Variants in GNG2 observed in about 807,000 individuals in gnomAD.
GNG2 encodes guanine nucleotide-binding protein G(I)/G(S)/G(O) subunit gamma-2.
A neutral mutation model predicts 5.5 loss-of-function variants in GNG2; 5 were observed. The ratio of observed to expected loss-of-function variants is 0.91; its 90% CI spans 0.48 to 1.92. The LOEUF is 1.92. GNG2 is among the 30% of genes most tolerant of loss of function. GNG2 has a pLI of 0.01. For missense variants in GNG2, 55 were observed against 88.4 expected, an observed-to-expected ratio of 0.62 and a Z score of 1.52; for synonymous variants, 28 against 32.0, an observed-to-expected ratio of 0.88 and a Z score of 0.42.
At chr14:51,923,091 A>G (rs188787984) in intron 2 of GNG2, among the ~76,000 whole-genome samples, 2 of 152,334 alleles carry the variant, frequency 1.3e-5, no homozygotes, top group East Asian at 3.9e-4. Flanking sequence ...CCGTTATTTA[A>G]AAATGACAAC....
At chr14:51,953,373 A>G (rs1028968053) in intron 3 of GNG2, among the ~76,000 whole-genome samples, 9 of 152,218 alleles carry the variant, frequency 5.9e-5, no homozygotes, top group African/African-American at 1.7e-4. Context: ...AAAATTGAAC[A>G]AGGCCTATTA....
chr14:51,873,153 G>C lies in GNG2; in HGVS notation c.-70-4464G>C, dbSNP rs376056671. On this transcript the variant is annotated intron_variant, in intron 1 of 3. Coordinates refer to ENST00000556766, the MANE Select transcript of GNG2 (RefSeq NM_053064.5). Reference sequence around the variant, plus strand: ...GTTTTTCTTCATCCTTAAGGAGAAAGGCATATTTGATTTGATGAGTCTCTC... The same window carrying C: ...GTTTTTCTTCATCCTTAAGGAGAAACGCATATTTGATTTGATGAGTCTCTC... Among the ~76,000 whole-genome samples the C allele has an allele frequency of 3.9e-5, 6 of 152,266 alleles. No homozygotes were observed. In the East Asian group the frequency reaches 5.8e-4, roughly 15 times the overall value.
intron 2 of GNG2, among the ~76,000 whole-genome samples, chr14:51,935,856 C>A (rs1034442669): frequency 6.6e-6 from 1 of 151,820 alleles, no homozygotes; most frequent in Non-Finnish European, 1.5e-5. Context: ...AGAGAGAGAG[C>A]GATGTTTTCT....
At chr14:51,875,395 G>A (rs1883588739) in intron 1 of GNG2, among the ~76,000 whole-genome samples, 1 of 152,220 alleles carries the variant, frequency 6.6e-6, no homozygotes, top group Non-Finnish European at 1.5e-5. Context: ...ATACCTAGCA[G>A]CAAGGGAGGT....
At chr14:51,835,432 A>G (rs369903594) in intron 2 of GNG2, among the ~76,000 whole-genome samples, 1 of 152,210 alleles carries the variant, frequency 6.6e-6, no homozygotes, top group Non-Finnish European at 1.5e-5. Flanking sequence ...GTCCAAGGCT[A>G]TACAGATAAA....
intron 2 of GNG2, among the ~76,000 whole-genome samples, chr14:51,943,987 TTC>T (rs1888499569): frequency 6.6e-6 from 1 of 152,200 alleles, no homozygotes; most frequent in South Asian, 2.1e-4. Context: ...AGCCAAAGCA[TTC>T]TTGAAACAGA....
At chr14:51,914,494 C>T (rs1012015772) in intron 2 of GNG2, among the ~76,000 whole-genome samples, 6 of 152,118 alleles carry the variant, frequency 3.9e-5, no homozygotes, top group Admixed American at 2.6e-4. Context: ...TGTTAAGTCC[C>T]GTGTAGAATT....
At chr14:51,851,443 A>G (rs1881905044) in intron 2 of GNG2, among the ~76,000 whole-genome samples, 1 of 152,196 alleles carries the variant, frequency 6.6e-6, no homozygotes, top group Admixed American at 6.5e-5. Context: ...TCATTTACTT[A>G]TATCATAAAT....
chr14:51,854,587 G>A (rs1186748838), intron 2 of GNG2, among the ~76,000 whole-genome samples: 1 of 151,728 alleles, frequency 6.6e-6, no homozygotes, highest in Non-Finnish European at 1.5e-5. Flanking sequence ...TTGGCTCACT[G>A]CAACCTCCTC....
At chr14:51,896,281 A>G (rs147238370) in intron 2 of GNG2, among the ~76,000 whole-genome samples, 8 of 152,236 alleles carry the variant, frequency 5.3e-5, no homozygotes, top group Admixed American at 1.3e-4. Flanking sequence ...GAGAACATCT[A>G]TAATTATCAA....
At chr14:51,918,398 A>G (rs1375735484) in intron 2 of GNG2, among the ~76,000 whole-genome samples, 1 of 152,222 alleles carries the variant, frequency 6.6e-6, no homozygotes, top group Non-Finnish European at 1.5e-5. Flanking sequence ...ATTTGAAAAA[A>G]AAAAAGCAGA....
chr14:51,835,316 AAACC>A (rs993048549), intron 2 of GNG2, among the ~76,000 whole-genome samples: 2 of 152,270 alleles, frequency 1.3e-5, no homozygotes, highest in African/African-American at 4.8e-5. Flanking sequence ...TTTAGCATCT[AAACC>A]TACATTCTAA....
At chr14:51,906,757 CTTTTT>C (rs34240079) in intron 2 of GNG2, among the ~76,000 whole-genome samples, 1 of 105,306 alleles carries the variant, frequency 9.5e-6, no homozygotes, top group Non-Finnish European at 1.8e-5. Context: ...TGGAGAATCT[CTTTTT>C]TTTTTTTTTT....
chr14:51,948,836 G>A (rs1440321060), intron 2 of GNG2, among the ~76,000 whole-genome samples: 1 of 152,000 alleles, frequency 6.6e-6, no homozygotes, highest in Non-Finnish European at 1.5e-5. Flanking sequence ...ATAAATTGAG[G>A]GATGGCCGGG....
intron 2 of GNG2, among the ~76,000 whole-genome samples, chr14:51,888,317 T>TTTG (rs543682315): frequency 7.8e-4 from 118 of 152,186 alleles, no homozygotes; most frequent in Non-Finnish European, 1.0e-3. Context: ...TTTGTTTGTT[T>TTTG]TTGTTGTTGT....
chr14:51,912,327 T>C (rs1886346396), intron 2 of GNG2, among the ~76,000 whole-genome samples: 1 of 152,184 alleles, frequency 6.6e-6, no homozygotes, highest in African/African-American at 2.4e-5. Context: ...GACTGTGAGC[T>C]GCTCCCATCT....
intron 3 of GNG2, among the ~76,000 whole-genome samples, chr14:51,965,066 G>A (rs974599810): frequency 6.6e-6 from 1 of 152,166 alleles, no homozygotes; most frequent in Non-Finnish European, 1.5e-5. Flanking sequence ...GGCAAACTGT[G>A]CATTGGCTCC....
At chr14:51,909,660 G>A (rs1231123087) in intron 2 of GNG2, among the ~76,000 whole-genome samples, 1 of 152,200 alleles carries the variant, frequency 6.6e-6, no homozygotes, top group East Asian at 1.9e-4. Flanking sequence ...AGAGCTGCAT[G>A]TAACTCCAGG....
upstream of GNG2, among the ~76,000 whole-genome samples, chr14:51,859,243 A>C (rs906550296): frequency 7.2e-5 from 11 of 152,112 alleles, no homozygotes; most frequent in African/African-American, 2.7e-4. Flanking sequence ...TTAACTCCAT[A>C]ATGTTGCCTG....
Sources: allele counts gnomAD v4.1 joint callset (sites outside exome capture counted in the v4.1 genomes callset), GRCh38; gene constraint gnomAD v4.1.1; transcripts MANE v1.5; gene names NCBI Gene and HGNC (gene_info 2026-07-23, HGNC 2026-07-21).